Variants in AMACR observed in about 807,000 individuals in gnomAD.
The protein encoded by AMACR is alpha-methylacyl-CoA racemase.
Under a neutral mutation model 22.2 loss-of-function variants are expected in AMACR, and 18 were observed. The ratio of observed to expected loss-of-function variants is 0.81; its 90% CI spans 0.56 to 1.20. The LOEUF (loss-of-function observed/expected upper bound fraction) is 1.20. Ranked by LOEUF, AMACR falls within the 50% of genes most tolerant of loss-of-function variation. AMACR has a pLI of 0.00. For synonymous variants in AMACR, 213 were observed against 191.3 expected, an observed-to-expected ratio of 1.11 and a Z score of -0.94; for missense variants, 499 against 490.6, an observed-to-expected ratio of 1.02 and a Z score of -0.16.
chr5:34,000,550 T>C (rs1753786279), intron 3 of AMACR, among the ~76,000 whole-genome samples: 1 of 151,700 alleles, frequency 6.6e-6, no homozygotes, highest in African/African-American at 2.4e-5. Flanking sequence ...CAGGTTGGAG[T>C]GCAGTGGCAC....
Position 33,987,238 on chromosome 5 carries a change from C to T in AMACR, c.*1855G>A, listed in dbSNP as rs1021407025. The stretch of plus-strand genomic sequence containing the variant: ...GTCCAGCCAAGTTCCCCAGGCTGGT[C>T]TCGAACTCTTGGCCTCAAGTGATCC... On this transcript the variant is annotated 3_prime_UTR_variant, in exon 5 of 5. Transcript: ENST00000335606. The T allele has an allele frequency of 2.0e-5, 3 of 152,532 alleles. No homozygotes were observed. The highest frequency in any genetic ancestry group is 7.2e-5 in the African/African-American group (3 of 41,422). 9.4% of individuals were successfully genotyped at this position (152,532 alleles called of 1,614,324 possible). A position where few individuals can be genotyped will look rare whatever the true frequency, so the allele number is the denominator to read the frequency against.
In AMACR at chr5:34,005,715, G is replaced by T. The variant is rs186605286; in HGVS notation, c.391+41C>A. ...ATCAACATACCTGTAGATCTTGATGGAATAAATTAAAAGTGTAGACTAAAT... is the reference window on the plus strand; with the variant it reads ...ATCAACATACCTGTAGATCTTGATGTAATAAATTAAAAGTGTAGACTAAAT... On this transcript the variant is annotated intron_variant, in intron 2 of 4. Transcript: ENST00000335606. The T allele has an allele frequency of 5.1e-4, 816 of 1,609,544 alleles. 3 individuals are homozygous for T. In the African/African-American group the frequency reaches 9.7e-3, roughly 19 times the overall value.
At position 33,988,514 on chromosome 5, in the gene AMACR, GAT is replaced by G; in HGVS notation, c.*577_*578del. ...GCCAACACATTTCCTCATTATTTTG[GAT>G]ATGTTTTTTTCAGTTGAAGGCATTC... On this transcript the variant is annotated 3_prime_UTR_variant, in exon 5 of 5. Transcript: ENST00000335606. 7.1e-7 allele frequency: 1 copy of G among 1,403,122 alleles called. No individual in the cohort carries two copies. The highest frequency in any genetic ancestry group is 9.2e-7 in the Non-Finnish European group (1 of 1,082,232). 86.9% of individuals were successfully genotyped at this position (1,403,122 alleles called of 1,614,324 possible). A position where few individuals can be genotyped will look rare whatever the true frequency, so the allele number is the denominator to read the frequency against.
rs1417489975 is a variant in AMACR, at chr5:34,008,023, G to T, written c.-4C>A. ...CCGAGATGCCCTGCAGTGCCATGGCGCTTCCCAGTGCCCCGCTGAAGGAAA... is the reference window on the plus strand; with the variant it reads ...CCGAGATGCCCTGCAGTGCCATGGCTCTTCCCAGTGCCCCGCTGAAGGAAA... On this transcript the variant is annotated 5_prime_UTR_variant, in exon 1 of 5. Transcript: ENST00000335606. 6.2e-7 allele frequency: 1 copy of T among 1,609,642 alleles called. No individual in the cohort carries two copies. Among genetic ancestry groups the T allele is most frequent in the Non-Finnish European group, 8.5e-7 (1 of 1,179,680 alleles).
At position 33,988,878 on chromosome 5, in the gene AMACR, T is replaced by G; in HGVS notation, c.*215A>C. On this transcript the variant is annotated 3_prime_UTR_variant, in exon 5 of 5. Coordinates refer to ENST00000335606, the MANE Select transcript of AMACR (RefSeq NM_014324.6). ...AGGCAGAATAACTACCATAATTTAG[T>G]ATAAGTACCCAAAGTTTTATAAATC... The G allele has an allele frequency of 7.2e-7, 1 of 1,395,298 alleles. No homozygotes were observed. Among genetic ancestry groups the G allele is most frequent in the African/African-American group, 1.4e-5 (1 of 69,174 alleles). The allele number at this position is 1,395,298 out of a possible 1,614,324, so 86.4% of individuals were successfully genotyped here.
chr5:33,990,063 G>A (rs542873289), intron 4 of AMACR, among the ~76,000 whole-genome samples: 1 of 152,124 alleles, frequency 6.6e-6, no homozygotes, highest in East Asian at 1.9e-4. Context: ...CAAGCTACTC[G>A]GGAGGCTGAG....
At position 34,007,897 on chromosome 5, in the gene AMACR, G is replaced by C. The variant is rs1561047456; in HGVS notation, c.123C>G (p.Tyr41Ter). Reference protein sequence around the residue: ...VVRVDRPGSRYDVSRLGRGKR... With the variant: ...VVRVDRPGSR ...TGCCCCGGCCCAAGCGGCTCACGTC[G>C]TAGCGGGAGCCGGGCCGGTCCACGC... The change falls in exon 1 of 5, where the codon TAC becomes TAG. Residue 41 changes from tyrosine (Y) to a stop codon, truncating the protein, a stop_gained. Coordinates refer to ENST00000335606, the MANE Select transcript of AMACR (RefSeq NM_014324.6). LOFTEE classifies it high-confidence loss of function. 3 of 1,602,266 alleles carry C rather than the reference G, an allele frequency of 1.9e-6. No homozygotes were observed. The highest frequency in any genetic ancestry group is 2.2e-5 in the East Asian group (1 of 44,626).
At chr5:33,994,776 G>A (rs1432495095) in intron 4 of AMACR, among the ~76,000 whole-genome samples, 1 of 152,124 alleles carries the variant, frequency 6.6e-6, no homozygotes, top group Non-Finnish European at 1.5e-5. Flanking sequence ...AATCAGGGGA[G>A]TTACAAAGTT....
intron 1 of AMACR, 43 bp downstream of exon 1, chr5:34,007,730 C>A: frequency 6.6e-7 from 1 of 1,514,842 alleles, no homozygotes. Flanking sequence ...CCCCTCCCCT[C>A]CGCGGGAACT....
At position 34,007,554 on chromosome 5, in the gene AMACR, G is replaced by A. The variant is rs34688; in HGVS notation, c.247+219C>T. ...AGTCAGAGAGGCAAAAGGAGAAACCGGGCAACAGCAGTATCTCAGAACCCA... is the reference window on the plus strand; with the variant it reads ...AGTCAGAGAGGCAAAAGGAGAAACCAGGCAACAGCAGTATCTCAGAACCCA... On this transcript the variant is annotated intron_variant, in intron 1 of 4. Transcript: ENST00000335606. Among the ~76,000 whole-genome samples, 38,778 of 152,114 alleles carry A rather than the reference G, an allele frequency of 0.25. 6,348 individuals are homozygous for A. The highest frequency in any genetic ancestry group is 0.47 in the African/African-American group (19,549 of 41,450).
chr5:33,999,272 C>T (rs1170529895), intron 3 of AMACR, among the ~76,000 whole-genome samples: 5 of 152,140 alleles, frequency 3.3e-5, no homozygotes, highest in African/African-American at 1.2e-4. Context: ...TAAACCATAC[C>T]ACATTTTAAA....
At position 34,007,905 on chromosome 5, in the gene AMACR, AGCCGG is replaced by A. The variant is rs1754046136; in HGVS notation, c.110_114del (p.Pro37LeufsTer103). On this transcript the variant is annotated frameshift_variant, in exon 1 of 5. Coordinates refer to ENST00000335606, the MANE Select transcript of AMACR (RefSeq NM_014324.6). LOFTEE classifies it high-confidence loss of function. ...CCCAAGCGGCTCACGTCGTAGCGGG[AGCCGG>A]GCCGGTCCACGCGTACCACACGCGC... 1 of 1,604,362 alleles carries A rather than the reference AGCCGG, an allele frequency of 6.2e-7. No homozygotes were observed. The highest frequency in any genetic ancestry group is 1.3e-5 in the African/African-American group (1 of 74,764).
chr5:34,006,002 A>T, intron 1 of AMACR, 103 bp from the exon 2 acceptor site: 1 of 1,386,410 alleles, frequency 7.2e-7, no homozygotes. Context: ...AAGTAATATT[A>T]ATAACATTTG....
chr5:34,005,888 T>TC lies in AMACR; in HGVS notation c.258dup (p.Lys87GlufsTer55). ...AGAATCTCTGGGCCCAGCTGGAGTT[T>TC]CTCCATGACACCTTAAGAGAAAAGT... On this transcript the variant is annotated frameshift_variant, in exon 2 of 5. Coordinates refer to ENST00000335606, the MANE Select transcript of AMACR (RefSeq NM_014324.6). LOFTEE classifies it high-confidence loss of function. 6.2e-7 allele frequency: 1 copy of TC among 1,614,166 alleles called. No individual in the cohort carries two copies. Among genetic ancestry groups the TC allele is most frequent in the Non-Finnish European group, 8.5e-7 (1 of 1,180,002 alleles).
chr5:34,002,765 C>T (rs1182358656), intron 3 of AMACR, among the ~76,000 whole-genome samples: 3 of 152,176 alleles, frequency 2.0e-5, no homozygotes, highest in Non-Finnish European at 4.4e-5. Context: ...CTATCTCATG[C>T]AGCGACTATG....
At chr5:34,007,713 G>A (rs549518153) in intron 1 of AMACR, 60 bp downstream of exon 1, 1 of 1,482,682 alleles carries the variant, frequency 6.7e-7, no homozygotes, top group South Asian at 1.3e-5. Context: ...TCGATCGAAC[G>A]GCCAGGCCCC....
intron 4 of AMACR, among the ~76,000 whole-genome samples, chr5:33,991,453 C>T (rs896424637): frequency 6.6e-6 from 1 of 152,112 alleles, no homozygotes; most frequent in Non-Finnish European, 1.5e-5. Flanking sequence ...TGTTATGGTA[C>T]AATCACTATG....
chr5:33,988,258 A>C lies in AMACR; in HGVS notation c.*835T>G. 1 of 1,452,672 alleles carries C rather than the reference A, an allele frequency of 6.9e-7. No homozygotes were observed. Among genetic ancestry groups the C allele is most frequent in the South Asian group, 1.2e-5 (1 of 81,058 alleles). 90.0% of individuals were successfully genotyped at this position (1,452,672 alleles called of 1,614,324 possible). On this transcript the variant is annotated 3_prime_UTR_variant, in exon 5 of 5. Coordinates refer to ENST00000335606, the MANE Select transcript of AMACR (RefSeq NM_014324.6). ...CAGGTATAAGAAAGGCTTGTAACTT[A>C]ACTCAGTCCAAGGAGACACAAAACG... is the stretch of plus-strand genomic sequence containing the variant.
intron 4 of AMACR, among the ~76,000 whole-genome samples, chr5:33,995,388 A>C (rs972369344): frequency 2.0e-5 from 3 of 152,234 alleles, no homozygotes; most frequent in African/African-American, 7.2e-5. Context: ...AATAAAACTC[A>C]TAAGCCAAGG....
Sources: allele counts gnomAD v4.1 joint callset (sites outside exome capture counted in the v4.1 genomes callset), GRCh38; gene constraint gnomAD v4.1.1; transcripts MANE v1.5; gene names NCBI Gene and HGNC (gene_info 2026-07-23, HGNC 2026-07-21).